Variants in GCNT2 observed in about 807,000 individuals in gnomAD.
GCNT2 encodes N-acetyllactosaminide beta-1,6-N-acetylglucosaminyl-transferase.
A neutral mutation model predicts 34.2 loss-of-function variants in GCNT2; 34 were observed. That is an observed-to-expected ratio of 1.00 (90% CI 0.76 to 1.32). GCNT2 has a LOEUF of 1.32. GCNT2 is among the 40% of genes most tolerant of loss of function. The probability of loss-of-function intolerance (pLI) is 0.00; values close to 1 mark genes in which losing one functional copy is unlikely to be tolerated. For missense variants in GCNT2, 584 were observed against 489.4 expected (o/e 1.19, Z -1.82); for synonymous variants, 212 against 188.0 (o/e 1.13, Z -1.04).
chr6:10,544,508 GGC>G (rs1762178730), intron 3 of GCNT2, among the ~76,000 whole-genome samples: 1 of 142,220 alleles, frequency 7.0e-6, no homozygotes. Flanking sequence ...GGGAGGCTGA[GGC>G]AGAGAATTGC....
chr6:10,559,565 A>G (rs962987937), intron 3 of GCNT2, among the ~76,000 whole-genome samples: 6 of 152,248 alleles, frequency 3.9e-5, no homozygotes, highest in African/African-American at 1.4e-4. Context: ...AGAACAATGT[A>G]AAGACCTCCC....
chr6:10,609,658 G>T (rs766042066), intron 3 of GCNT2, among the ~76,000 whole-genome samples: 12 of 152,214 alleles, frequency 7.9e-5, no homozygotes, highest in East Asian at 1.9e-4. Context: ...TCTGGCCAGG[G>T]TTATAATTCT....
In GCNT2 at chr6:10,555,781, G is replaced by A. The variant is rs761361450; in HGVS notation, c.925+25945G>A. On this transcript the variant is annotated intron_variant, in intron 3 of 4. Transcript: ENST00000495262. The stretch of plus-strand genomic sequence containing the variant: ...AAAGCATTACAATGGAGCTGGGATG[G>A]ATGAGGCTTTCTTTTATTTGAGATG... The A allele has an allele frequency of 8.6e-4, 852 of 985,436 alleles. 1 individual carries two copies. Among genetic ancestry groups the A allele is most frequent in the Non-Finnish European group, 9.9e-4 (818 of 829,920 alleles). The allele number at this position is 985,436 out of a possible 1,614,324, so 61.0% of individuals were successfully genotyped here.
At chr6:10,614,953 A>G (rs908814711) in intron 3 of GCNT2, among the ~76,000 whole-genome samples, 5 of 152,196 alleles carry the variant, frequency 3.3e-5, no homozygotes, top group Non-Finnish European at 7.3e-5. Flanking sequence ...TTCCTATAAC[A>G]GGTGGGCTGA....
At chr6:10,606,568 G>A (rs1012364655) in intron 3 of GCNT2, among the ~76,000 whole-genome samples, 14 of 62,750 alleles carry the variant, frequency 2.2e-4, no homozygotes, top group Non-Finnish European at 4.0e-4. Context: ...TTAAAAATGA[G>A]TTTTTTCTAG....
chr6:10,573,531 C>A (rs34536065), intron 3 of GCNT2, among the ~76,000 whole-genome samples: 19,783 of 152,164 alleles, frequency 0.13, 1,428 homozygotes, highest in Middle Eastern at 0.19. Context: ...GAAGCCATAG[C>A]AAGCTTCTTC....
chr6:10,538,408 C>CAAAAAA (rs70991023), intron 3 of GCNT2, among the ~76,000 whole-genome samples: 8 of 40,190 alleles, frequency 2.0e-4, no homozygotes, highest in Non-Finnish European at 3.0e-4. Context: ...GACTCCGTCT[C>CAAAAAA]AAAAAAAAAA....
chr6:10,564,598 C>T (rs909670354), intron 3 of GCNT2, among the ~76,000 whole-genome samples: 1 of 152,156 alleles, frequency 6.6e-6, no homozygotes, highest in Admixed American at 6.5e-5. Context: ...GAAGCCTGGA[C>T]CCTGCAGCCA....
At chr6:10,595,671 G>A (rs972884011) in intron 3 of GCNT2, among the ~76,000 whole-genome samples, 1 of 150,160 alleles carries the variant, frequency 6.7e-6, no homozygotes, top group Non-Finnish European at 1.5e-5. Context: ...AATCAACATA[G>A]CCAAGATCTG....
At chr6:10,571,967 C>T (rs1461691533) in intron 3 of GCNT2, among the ~76,000 whole-genome samples, 1 of 152,050 alleles carries the variant, frequency 6.6e-6, no homozygotes, top group Non-Finnish European at 1.5e-5. Flanking sequence ...ATTGTATGTC[C>T]CTAATCAGTA....
intron 3 of GCNT2, among the ~76,000 whole-genome samples, chr6:10,582,346 A>T: frequency 1.9e-5 from 2 of 106,886 alleles, no homozygotes; most frequent in African/African-American, 5.3e-5. Flanking sequence ...TATATAATAT[A>T]TAGTAATATT....
chr6:10,556,530 T>G (rs746562586), intron 3 of GCNT2: 1 of 1,613,972 alleles, frequency 6.2e-7, no homozygotes, highest in Non-Finnish European at 8.5e-7. Flanking sequence ...TTCCAAAGGC[T>G]AAATATCTCA....
chr6:10,528,866 G>T lies in GCNT2; in HGVS notation c.-46G>T. ...TGTAAGTTAAATATATCTACACTCT[G>T]ATCCTATCTCAAGAGAGAGATATTT... On this transcript the variant is annotated 5_prime_UTR_variant, in exon 3 of 5. Transcript: ENST00000495262. 1 of 1,407,644 alleles carries T rather than the reference G, an allele frequency of 7.1e-7. No individual in the cohort carries two copies. Among genetic ancestry groups the T allele is most frequent in the South Asian group, 1.1e-5 (1 of 86,974 alleles). 87.2% of individuals were successfully genotyped at this position (1,407,644 alleles called of 1,614,324 possible). A position where few individuals can be genotyped will look rare whatever the true frequency, so the allele number is the denominator to read the frequency against.
chr6:10,526,580 T>G (rs1761198787), intron 1 of GCNT2, among the ~76,000 whole-genome samples: 1 of 152,200 alleles, frequency 6.6e-6, no homozygotes, highest in Non-Finnish European at 1.5e-5. Context: ...GTTCTTTTTT[T>G]TTTATTAGAG....
intron 3 of GCNT2, among the ~76,000 whole-genome samples, chr6:10,564,318 A>G (rs1285352718): frequency 3.9e-5 from 6 of 152,122 alleles, no homozygotes; most frequent in Non-Finnish European, 7.4e-5. Context: ...CTCAAATTCT[A>G]CATGCTCTGA....
chr6:10,585,063 G>T (rs1252083399), intron 3 of GCNT2, among the ~76,000 whole-genome samples: 2 of 138,780 alleles, frequency 1.4e-5, no homozygotes, highest in African/African-American at 6.3e-5. Context: ...GTGTGTGTGT[G>T]TGTGTGTGTG....
At chr6:10,576,883 G>A (rs954369144) in intron 3 of GCNT2, among the ~76,000 whole-genome samples, 4 of 151,938 alleles carry the variant, frequency 2.6e-5, no homozygotes, top group Non-Finnish European at 5.9e-5. Flanking sequence ...AGACCAGCCT[G>A]GGCAAAATAG....
At chr6:10,533,597 G>A (rs145142331) in intron 3 of GCNT2, among the ~76,000 whole-genome samples, 149 of 151,790 alleles carry the variant, frequency 9.8e-4, no homozygotes, top group African/African-American at 3.1e-3. Context: ...AGACCAGCCT[G>A]GCCAACATGG....
chr6:10,608,668 C>G (rs2127433984), intron 3 of GCNT2, among the ~76,000 whole-genome samples: 1 of 152,200 alleles, frequency 6.6e-6, no homozygotes, highest in East Asian at 1.9e-4. Flanking sequence ...GACATTGTCT[C>G]TAATAAACAA....
Sources: allele counts gnomAD v4.1 joint callset (sites outside exome capture counted in the v4.1 genomes callset), GRCh38; gene constraint gnomAD v4.1.1; transcripts MANE v1.5; gene names NCBI Gene and HGNC (gene_info 2026-07-23, HGNC 2026-07-21).